MPHOSPH10: variants seen among roughly 807,000 people sequenced by gnomAD.
The protein encoded by MPHOSPH10 is M-phase phosphoprotein 10.
In MPHOSPH10, 33 loss-of-function variants were observed where a neutral mutation model predicts 77.3. The ratio of observed to expected loss-of-function variants is 0.43; its 90% CI spans 0.32 to 0.57. The LOEUF is 0.57. Ranked by LOEUF, MPHOSPH10 falls within the 20% of genes least tolerant of loss-of-function variation. MPHOSPH10 has a pLI of 0.07. For missense variants in MPHOSPH10, 708 were observed against 780.1 expected, an observed-to-expected ratio of 0.91 and a Z score of 1.10; for synonymous variants, 245 against 268.0, an observed-to-expected ratio of 0.91 and a Z score of 0.84.
intron 7 of MPHOSPH10, among the ~76,000 whole-genome samples, chr2:71,144,049 C>G (rs1673661386): frequency 6.6e-6 from 1 of 152,192 alleles, no homozygotes; most frequent in Admixed American, 6.5e-5. Context: ...ACATTCCTAC[C>G]TATCAACAAT....
chr2:71,139,789 C>G lies in MPHOSPH10; in HGVS notation c.1241-6C>G, dbSNP rs776322025. On this transcript the variant is annotated splice_polypyrimidine_tract_variant and splice_region_variant and intron_variant, in intron 5 of 10. Transcript: ENST00000244230. The stretch of plus-strand genomic sequence containing the variant: ...ACCTAATGAATAAACGTTGTATATC[C>G]TTTAGCACCTGTGATTACAGAGGAA... 4 of 1,602,464 alleles carry G rather than the reference C, an allele frequency of 2.5e-6. No homozygotes were observed. The highest frequency in any genetic ancestry group is 3.4e-6 in the Non-Finnish European group (4 of 1,171,440).
intron 8 of MPHOSPH10, 118 bp from the exon 9 acceptor site, chr2:71,147,881 A>C: frequency 1.3e-6 from 1 of 755,596 alleles, no homozygotes; most frequent in South Asian, 2.0e-5. Context: ...AAGTGAAAAA[A>C]AGATAATCTC....
intron 8 of MPHOSPH10, 41 bp downstream of exon 8, chr2:71,144,579 G>GA: frequency 7.1e-7 from 1 of 1,412,352 alleles, no homozygotes; most frequent in Non-Finnish European, 1.0e-6. Context: ...AGAGCAGGGT[G>GA]ACCTTCATAG....
intron 8 of MPHOSPH10, among the ~76,000 whole-genome samples, chr2:71,146,270 A>G (rs181714172): frequency 1.3e-5 from 2 of 151,376 alleles, no homozygotes; most frequent in Non-Finnish European, 2.9e-5. Flanking sequence ...TTTCATGTTC[A>G]GGTTGGTATT....
At chr2:71,137,917 C>T (rs1287890698) in intron 4 of MPHOSPH10, among the ~76,000 whole-genome samples, 1 of 152,022 alleles carries the variant, frequency 6.6e-6, no homozygotes, top group African/African-American at 2.4e-5. Flanking sequence ...CTTGGTGAAA[C>T]CCCGTCTCTA....
intron 6 of MPHOSPH10, 58 bp downstream of exon 6, chr2:71,139,920 GTGAGAGTACTT>G: frequency 1.7e-6 from 2 of 1,199,460 alleles, no homozygotes; most frequent in Non-Finnish European, 2.4e-6. Flanking sequence ...TAGAAATAAT[GTGAGAGTACTT>G]TGAGAGTAGG....
chr2:71,132,928 T>C lies in MPHOSPH10; in HGVS notation c.120T>C (p.Thr40=). The C allele has an allele frequency of 6.2e-7, 1 of 1,611,266 alleles. No homozygotes were observed. Among genetic ancestry groups the C allele is most frequent in the Non-Finnish European group, 8.5e-7 (1 of 1,178,250 alleles). ...AAGAGGGATTGGCATCAAAGTTCAC[T>C]TCTTTAACAAAAGTGCTTTATGACT... The part of the protein sequence containing the change: ...TIQEGLASKF[T]SLTKVLYDFN... Residue 40 remains threonine, a synonymous_variant, in exon 2 of 11, where the codon ACT becomes ACC. Coordinates refer to ENST00000244230, the MANE Select transcript of MPHOSPH10 (RefSeq NM_005791.3).
chr2:71,133,608 C>G, intron 2 of MPHOSPH10, 32 bp downstream of exon 2: 3 of 1,516,140 alleles, frequency 2.0e-6, no homozygotes, highest in Non-Finnish European at 2.6e-6. Context: ...GAGCACTTTC[C>G]TCCTCAAATT....
chr2:71,130,801 G>A, intron 1 of MPHOSPH10, 47 bp downstream of exon 1: 1 of 1,549,520 alleles, frequency 6.5e-7, no homozygotes, highest in East Asian at 2.3e-5. Flanking sequence ...GGTCTCACGT[G>A]GACGCGGGTT....
At chr2:71,146,718 A>AGTT (rs1673717362) in intron 8 of MPHOSPH10, among the ~76,000 whole-genome samples, 1 of 152,164 alleles carries the variant, frequency 6.6e-6, no homozygotes, top group Non-Finnish European at 1.5e-5. Context: ...TTTTAATAAC[A>AGTT]GTTGAACAGT....
intron 8 of MPHOSPH10, 98 bp from the exon 9 acceptor site, chr2:71,147,896 AAGTAT>A: frequency 1.2e-6 from 1 of 828,632 alleles, no homozygotes. Flanking sequence ...AATCTCCATA[AAGTAT>A]TTTATATATT....
At chr2:71,140,972 T>C (rs1016978179) in intron 6 of MPHOSPH10, among the ~76,000 whole-genome samples, 3 of 152,106 alleles carry the variant, frequency 2.0e-5, no homozygotes, top group African/African-American at 7.2e-5. Flanking sequence ...TTTCTTTGCT[T>C]TCCTAATGTT....
chr2:71,136,848 C>T (rs1032745046), intron 4 of MPHOSPH10, among the ~76,000 whole-genome samples: 3 of 118,644 alleles, frequency 2.5e-5, no homozygotes, highest in Admixed American at 9.1e-5. Context: ...AACTTTCAAC[C>T]TTTTTTTTTT....
At chr2:71,142,610 A>G (rs1673633119) in intron 7 of MPHOSPH10, among the ~76,000 whole-genome samples, 1 of 152,232 alleles carries the variant, frequency 6.6e-6, no homozygotes. Context: ...TTGTGTATGT[A>G]ATGTGGCTCA....
rs1673357148 is a variant in MPHOSPH10, at chr2:71,130,660, A to G, written c.-6A>G. 6.2e-7 allele frequency: 1 copy of G among 1,605,954 alleles called. No homozygotes were observed. Among genetic ancestry groups the G allele is most frequent in the Non-Finnish European group, 8.5e-7 (1 of 1,176,556 alleles). ...TGCTGCATTGTGTCGGGAGTTGCTGACAGCCATGGCGCCGCAGGTCTGGCG... is the reference window on the plus strand; with the variant it reads ...TGCTGCATTGTGTCGGGAGTTGCTGGCAGCCATGGCGCCGCAGGTCTGGCG... On this transcript the variant is annotated 5_prime_UTR_variant, in exon 1 of 11. It removes the in-frame stop codon of an upstream open reading frame in the 5' UTR. Transcript: ENST00000244230.
chr2:71,141,136 ATAT>A, intron 6 of MPHOSPH10, 93 bp from the exon 7 acceptor site: 2 of 561,500 alleles, frequency 3.6e-6, no homozygotes, highest in Non-Finnish European at 4.9e-6. Flanking sequence ...TATATTGATA[ATAT>A]TTATTATAAT....
intron 6 of MPHOSPH10, among the ~76,000 whole-genome samples, chr2:71,140,476 A>T (rs1365899288): frequency 6.6e-6 from 1 of 152,192 alleles, no homozygotes. Flanking sequence ...ACTGCCATTC[A>T]TGAGGGCAAA....
chr2:71,139,568 A>G (rs992335404), intron 5 of MPHOSPH10: 7 of 400,094 alleles, frequency 1.7e-5, no homozygotes, highest in African/African-American at 1.2e-4. Context: ...TACCATATGT[A>G]TCCTAGTTTT....
chr2:71,135,479 G>A (rs984029113), intron 4 of MPHOSPH10, among the ~76,000 whole-genome samples: 5 of 151,040 alleles, frequency 3.3e-5, no homozygotes, highest in East Asian at 2.0e-4. Flanking sequence ...CCCAGGAGGC[G>A]GAGGTTGCAG....
Sources: gnomAD v4.1 joint callset for allele counts (sites outside exome capture counted in the v4.1 genomes callset) on GRCh38, gnomAD v4.1.1 for gene constraint, MANE v1.5 for transcripts, NCBI Gene and HGNC (gene_info 2026-07-23, HGNC 2026-07-21) for gene names.